The following NBAS variants were observed in gnomAD, a reference collection of about 807,000 sequenced individuals.
The protein encoded by NBAS is NBAS subunit of NRZ tethering complex.
A neutral mutation model predicts 302.5 loss-of-function variants in NBAS; 219 were observed. The ratio of observed to expected loss-of-function variants is 0.72; its 90% CI spans 0.65 to 0.81. NBAS has a LOEUF of 0.81. Ranked by LOEUF, NBAS falls within the 30% of genes least tolerant of loss-of-function variation. NBAS has a pLI of 0.00. For missense variants in NBAS, 2,932 were observed against 2,841.6 expected (o/e 1.03, Z -0.72); for synonymous variants, 1,118 against 1,021.6 (o/e 1.09, Z -1.80).
rs764206961 is a variant in NBAS at position 15,167,177 on chromosome 2, C to G, written c.6987G>C (p.Glu2329Asp). ...SLQQGRWDAE[E>D]LGRHLREAGH... ...CGGCCTCCCGCAGGTGTCTGCCCAGCTCCTCTGCATCCCAGCGCCCTTGCT... is the reference window on the plus strand; with the variant it reads ...CGGCCTCCCGCAGGTGTCTGCCCAGGTCCTCTGCATCCCAGCGCCCTTGCT... Residue 2329 changes from glutamate to aspartate, a missense_variant, in exon 52 of 52, where the codon GAG becomes GAC. Transcript: ENST00000281513. The G allele has an allele frequency of 4.3e-6, 7 of 1,614,262 alleles. No individual in the cohort carries two copies. The Middle Eastern group carries it at 6.6e-4, about 152-fold the overall frequency.
Position 15,417,640 on chromosome 2 carries a change from T to C in NBAS, c.2650A>G (p.Asn884Asp), listed in dbSNP as rs574433313. The C allele has an allele frequency of 6.2e-7, 1 of 1,613,974 alleles. No individual in the cohort carries two copies. Among genetic ancestry groups the C allele is most frequent in the African/African-American group, 1.3e-5 (1 of 75,024 alleles). ...NIPGLLVLCD[N>D]LVTLETLVYE... ...ACCAATGTTTCCAGAGTAACCAAAT[T>C]GTCACAGAGAACCAGCAAACCAGGA... The change falls in exon 24 of 52, where the codon AAT (asparagine) becomes GAT (aspartate). Residue 884 changes from asparagine to aspartate, a missense_variant. Transcript: ENST00000281513.
rs532534271 is a variant in NBAS at position 15,198,048 on chromosome 2, G to A, written c.6433-7645C>T. 2.0e-5 allele frequency among the ~76,000 whole-genome samples: 3 copies of A among 152,142 alleles called. No individual in the cohort carries two copies. In the East Asian group the frequency reaches 5.8e-4, roughly 29 times the overall value. On this transcript the variant is annotated intron_variant, in intron 48 of 51. Transcript: ENST00000281513. ...CATATATTGTGAGACATATAAAAAT[G>A]AACACACACAAAGTAGACATTTTTA... is the stretch of plus-strand genomic sequence containing the variant.
the NBAS span, among the ~76,000 whole-genome samples, chr2:14,941,493 G>A: frequency 2.0e-5 from 3 of 152,222 alleles, no homozygotes; most frequent in Admixed American, 6.5e-5. Context: ...AAACGCATCC[G>A]TTCTGGCCTC....
chr2:14,959,235 G>A, the NBAS span, among the ~76,000 whole-genome samples: 2 of 152,258 alleles, frequency 1.3e-5, no homozygotes, highest in African/African-American at 4.8e-5. Flanking sequence ...GCTTTACCAG[G>A]TGCAGGTAAA....
chr2:15,202,246 C>T (rs557974378), intron 48 of NBAS, among the ~76,000 whole-genome samples: 1 of 152,272 alleles, frequency 6.6e-6, no homozygotes, highest in East Asian at 1.9e-4. Context: ...CCATGCTTTA[C>T]AGCACCCTAC....
intron 35 of NBAS, among the ~76,000 whole-genome samples, chr2:15,336,912 A>G (rs549664004): frequency 1.7e-4 from 26 of 152,174 alleles, no homozygotes; most frequent in Non-Finnish European, 2.5e-4. Flanking sequence ...TATGGTAAGA[A>G]TTATGGCACT....
At chr2:15,068,292 T>A in the NBAS span, among the ~76,000 whole-genome samples, 1 of 152,210 alleles carries the variant, frequency 6.6e-6, no homozygotes, top group Non-Finnish European at 1.5e-5. Context: ...GGGGGAAACA[T>A]CTGTCATGAT....
At chr2:15,216,899 C>T (rs977143287) in intron 48 of NBAS, among the ~76,000 whole-genome samples, 6 of 152,084 alleles carry the variant, frequency 3.9e-5, no homozygotes, top group Admixed American at 6.5e-5. Context: ...TGACCGAGGT[C>T]GAGAATTTAA....
At chr2:15,101,757 C>T in the NBAS span, among the ~76,000 whole-genome samples, 1 of 152,130 alleles carries the variant, frequency 6.6e-6, no homozygotes, top group South Asian at 2.1e-4. Context: ...AAGATATTGT[C>T]CTCATGACAA....
chr2:15,368,328 T>C (rs1042799235), intron 31 of NBAS, among the ~76,000 whole-genome samples: 1 of 151,230 alleles, frequency 6.6e-6, no homozygotes, highest in African/African-American at 2.4e-5. Context: ...GCCTCCCGAG[T>C]AGCTGGGACT....
At chr2:15,401,062 A>C (rs1676127024) in intron 26 of NBAS, among the ~76,000 whole-genome samples, 1 of 152,146 alleles carries the variant, frequency 6.6e-6, no homozygotes, top group African/African-American at 2.4e-5. Context: ...ACGTAAGGTC[A>C]GGCTGTCTGA....
At chr2:14,831,510 C>T in the NBAS span, among the ~76,000 whole-genome samples, 2 of 152,136 alleles carry the variant, frequency 1.3e-5, no homozygotes, top group African/African-American at 4.8e-5. Context: ...CAGGGGAAGG[C>T]TAAGCAATAT....
At chr2:14,792,824 A>G in the NBAS span, among the ~76,000 whole-genome samples, 1 of 152,302 alleles carries the variant, frequency 6.6e-6, no homozygotes, top group African/African-American at 2.4e-5. Flanking sequence ...TAACACAAAG[A>G]TACATCATCA....
intron 22 of NBAS, among the ~76,000 whole-genome samples, chr2:15,425,421 C>T (rs779835298): frequency 4.6e-5 from 7 of 152,060 alleles, no homozygotes; most frequent in Middle Eastern, 3.2e-3. Context: ...TTTATTTAAA[C>T]GGGGAAAACA....
chr2:14,844,370 T>A, the NBAS span, among the ~76,000 whole-genome samples: 1 of 151,694 alleles, frequency 6.6e-6, no homozygotes, highest in African/African-American at 2.4e-5. Flanking sequence ...GACTAAAGAG[T>A]CCTTAGGTCC....
chr2:15,227,812 C>G (rs1192808703), intron 47 of NBAS, among the ~76,000 whole-genome samples: 1 of 152,112 alleles, frequency 6.6e-6, no homozygotes, highest in African/African-American at 2.4e-5. Context: ...ACTTCTATCT[C>G]TCACCATATA....
At chr2:14,841,983 A>G in the NBAS span, among the ~76,000 whole-genome samples, 6 of 152,002 alleles carry the variant, frequency 3.9e-5, no homozygotes, top group African/African-American at 7.2e-5. Context: ...TAAAATATCA[A>G]GTATCTTTCC....
chr2:15,505,631 G>A (rs1021167813), intron 10 of NBAS, among the ~76,000 whole-genome samples: 2 of 152,142 alleles, frequency 1.3e-5, no homozygotes, highest in Non-Finnish European at 2.9e-5. Flanking sequence ...AGAAGGCACC[G>A]TTAACCTACC....
chr2:15,436,379 G>T (rs553520458), intron 21 of NBAS, among the ~76,000 whole-genome samples: 2 of 152,266 alleles, frequency 1.3e-5, no homozygotes, highest in Admixed American at 1.3e-4. Flanking sequence ...GTAGCTCACA[G>T]AAATGATTCA....
Sources: allele counts gnomAD v4.1 joint callset (sites outside exome capture counted in the v4.1 genomes callset), GRCh38; gene constraint gnomAD v4.1.1; transcripts MANE v1.5; gene names NCBI Gene and HGNC (gene_info 2026-07-23, HGNC 2026-07-21).